SEMA3A: variants seen among roughly 807,000 people sequenced by gnomAD.
The protein encoded by SEMA3A is semaphorin 3A.
Under a neutral mutation model 97.9 loss-of-function variants are expected in SEMA3A, and 29 were observed. That is an observed-to-expected ratio of 0.30 (90% CI 0.22 to 0.40). The LOEUF (loss-of-function observed/expected upper bound fraction) is 0.40. SEMA3A is among the 10% of genes least tolerant of loss of function. The pLI is 1.00. For missense variants in SEMA3A, 763 were observed against 951.3 expected, an observed-to-expected ratio of 0.80 and a Z score of 2.60; for synonymous variants, 321 against 323.7, an observed-to-expected ratio of 0.99 and a Z score of 0.09.
intron 1 of SEMA3A, among the ~76,000 whole-genome samples, chr7:84,435,958 G>C (rs1480745330): frequency 6.6e-6 from 1 of 152,138 alleles, no homozygotes; most frequent in Non-Finnish European, 1.5e-5. Flanking sequence ...ATCCGAAACA[G>C]CATGGTACTG....
intron 1 of SEMA3A, among the ~76,000 whole-genome samples, chr7:84,446,657 C>T (rs1805420935): frequency 6.6e-6 from 1 of 152,168 alleles, no homozygotes. Context: ...GAGGAAATTA[C>T]CTCAACATAG....
At chr7:84,483,952 G>C (rs984050242) in intron 1 of SEMA3A, among the ~76,000 whole-genome samples, 1 of 151,880 alleles carries the variant, frequency 6.6e-6, no homozygotes, top group Admixed American at 6.6e-5. Context: ...GCTGAGGCAG[G>C]AGAACCACTT....
At chr7:84,409,584 T>C (rs1426898357) in intron 1 of SEMA3A, among the ~76,000 whole-genome samples, 1 of 152,150 alleles carries the variant, frequency 6.6e-6, no homozygotes, top group Admixed American at 6.6e-5. Context: ...AGCTGAAGTT[T>C]ACTTACTTCT....
chr7:84,457,533 G>A (rs1490619270), intron 1 of SEMA3A, among the ~76,000 whole-genome samples: 4 of 151,886 alleles, frequency 2.6e-5, no homozygotes, highest in African/African-American at 7.2e-5. Flanking sequence ...ACTTTTAATT[G>A]AATTGATGTT....
chr7:84,366,992 A>G (rs1268137727), intron 2 of SEMA3A, among the ~76,000 whole-genome samples: 1 of 151,298 alleles, frequency 6.6e-6, no homozygotes, highest in Non-Finnish European at 1.5e-5. Flanking sequence ...TCTTAAAAAA[A>G]AAAAACCTTA....
chr7:84,331,054 G>T (rs2115948180), intron 2 of SEMA3A, among the ~76,000 whole-genome samples: 1 of 152,196 alleles, frequency 6.6e-6, no homozygotes, highest in East Asian at 1.9e-4. Flanking sequence ...GACCTATGTA[G>T]AAATGTACTG....
At chr7:84,424,906 CATAA>C (rs1325455865) in intron 1 of SEMA3A, among the ~76,000 whole-genome samples, 1 of 54,916 alleles carries the variant, frequency 1.8e-5, no homozygotes, top group Non-Finnish European at 2.8e-5. Flanking sequence ...TTTATATAAA[CATAA>C]ATATATATAT....
At chr7:84,353,062 C>CA (rs1802473285) in intron 2 of SEMA3A, among the ~76,000 whole-genome samples, 1 of 151,804 alleles carries the variant, frequency 6.6e-6, no homozygotes, top group Admixed American at 6.6e-5. Flanking sequence ...ATAACATTTG[C>CA]ATACAACTTA....
intron 1 of SEMA3A, among the ~76,000 whole-genome samples, chr7:84,462,915 A>C (rs967206882): frequency 3.9e-5 from 6 of 152,144 alleles, no homozygotes; most frequent in Admixed American, 2.0e-4. Context: ...AGGGAGAAAC[A>C]TGTCTGAGTC....
At chr7:84,418,382 G>T in intron 1 of SEMA3A, among the ~76,000 whole-genome samples, 1 of 152,000 alleles carries the variant, frequency 6.6e-6, no homozygotes, top group Admixed American at 6.6e-5. Flanking sequence ...TCACTACTAT[G>T]AGAACAGAAA....
chr7:84,426,044 T>C (rs894552065), intron 1 of SEMA3A, among the ~76,000 whole-genome samples: 2 of 150,742 alleles, frequency 1.3e-5, no homozygotes, highest in African/African-American at 2.4e-5. Flanking sequence ...TACAAAGGCA[T>C]ACAGAGTGGT....
intron 12 of SEMA3A, among the ~76,000 whole-genome samples, chr7:83,998,279 A>G (rs1346896115): frequency 6.6e-6 from 1 of 152,234 alleles, no homozygotes; most frequent in African/African-American, 2.4e-5. Flanking sequence ...TGTTGCTCCT[A>G]GGATACGAAC....
chr7:84,252,125 A>G (rs1799624155), intron 3 of SEMA3A, among the ~76,000 whole-genome samples: 1 of 152,180 alleles, frequency 6.6e-6, no homozygotes. Flanking sequence ...GAGTGGATAG[A>G]AAGTACATCC....
At chr7:84,149,977 T>A (rs769167456) in intron 1 of SEMA3A, among the ~76,000 whole-genome samples, 2 of 152,234 alleles carry the variant, frequency 1.3e-5, no homozygotes, top group Admixed American at 6.5e-5. Context: ...GCTGATTTCT[T>A]AATTCTTTCA....
chr7:84,194,810 A>T (rs1457820318), upstream of SEMA3A: 3 of 337,818 alleles, frequency 8.9e-6, no homozygotes, highest in African/African-American at 2.1e-5. Context: ...AAAAAAAAAA[A>T]AAATTCCGAG....
At chr7:84,432,123 T>C (rs1014520565) in intron 1 of SEMA3A, among the ~76,000 whole-genome samples, 2 of 152,040 alleles carry the variant, frequency 1.3e-5, no homozygotes, top group African/African-American at 4.8e-5. Context: ...CTAATAATAA[T>C]AGATAAGAAA....
At chr7:84,375,479 G>A (rs1009084279) in intron 1 of SEMA3A, among the ~76,000 whole-genome samples, 1 of 152,014 alleles carries the variant, frequency 6.6e-6, no homozygotes, top group African/African-American at 2.4e-5. Context: ...GAGTGCTTTG[G>A]GGAATTATTT....
intron 4 of SEMA3A, among the ~76,000 whole-genome samples, chr7:84,065,982 G>C (rs1223761184): frequency 6.6e-6 from 1 of 151,454 alleles, no homozygotes; most frequent in Non-Finnish European, 1.5e-5. Flanking sequence ...GAGAATTTTA[G>C]ACCAATATCC....
At chr7:84,258,070 G>A (rs957381274) in intron 3 of SEMA3A, among the ~76,000 whole-genome samples, 3 of 152,130 alleles carry the variant, frequency 2.0e-5, no homozygotes, top group East Asian at 1.9e-4. Context: ...CATTGTCTTC[G>A]TGTTCAAAGA....
Sources: gnomAD v4.1 joint callset for allele counts (sites outside exome capture counted in the v4.1 genomes callset) on GRCh38, gnomAD v4.1.1 for gene constraint, MANE v1.5 for transcripts, NCBI Gene and HGNC (gene_info 2026-07-23, HGNC 2026-07-21) for gene names.